The following SLC7A7 variants were observed in gnomAD, a reference collection of about 807,000 sequenced individuals.
The protein encoded by SLC7A7 is solute carrier family 7 member 7, also known as Y+L amino acid transporter 1.
A neutral mutation model predicts 47.9 loss-of-function variants in SLC7A7; 39 were observed. That is an observed-to-expected ratio of 0.81 (90% confidence interval 0.63 to 1.06). SLC7A7 has a LOEUF of 1.06. Ranked by LOEUF, SLC7A7 falls within the 50% of genes least tolerant of loss-of-function variation. SLC7A7 has a pLI of 0.00. For synonymous variants in SLC7A7, 234 were observed against 242.8 expected, an observed-to-expected ratio of 0.96 and a Z score of 0.34; for missense variants, 588 against 632.0, an observed-to-expected ratio of 0.93 and a Z score of 0.75.
chr14:22,785,165 G>T (rs1256023322), intron 2 of SLC7A7, among the ~76,000 whole-genome samples: 1 of 152,102 alleles, frequency 6.6e-6, no homozygotes, highest in African/African-American at 2.4e-5. Context: ...TGTAATCCCA[G>T]CTACTTGGAG....
chr14:22,815,283 T>C (rs868004497), intron 1 of SLC7A7, 37 bp downstream of exon 1: 2 of 440,228 alleles, frequency 4.5e-6, no homozygotes, highest in Non-Finnish European at 9.2e-6. Flanking sequence ...GTTAGCAAGG[T>C]AAGTGGAGAT....
intron 3 of SLC7A7, among the ~76,000 whole-genome samples, 179 bp from the exon 4 acceptor site, chr14:22,779,116 T>C (rs2038669950): frequency 6.6e-6 from 1 of 152,188 alleles, no homozygotes; most frequent in Non-Finnish European, 1.5e-5. Flanking sequence ...TCTATAGAGA[T>C]AGACCAGAAT....
At chr14:22,797,623 A>C (rs1286181237) in intron 2 of SLC7A7, among the ~76,000 whole-genome samples, 1 of 152,070 alleles carries the variant, frequency 6.6e-6, no homozygotes, top group East Asian at 1.9e-4. Flanking sequence ...CACCAGGATC[A>C]CTGTTATCTG....
chr14:22,812,976 G>T lies in SLC7A7; in HGVS notation c.423C>A (p.Asn141Lys), dbSNP rs1318669626. 6.2e-7 allele frequency: 1 copy of T among 1,614,008 alleles called. No individual in the cohort carries two copies. The highest frequency in any genetic ancestry group is 1.7e-5 in the Admixed American group (1 of 59,992). The stretch of plus-strand genomic sequence containing the variant: ...TCGGGAAGAGAGGCTGTACCATGTA[G>T]TTGGCAAAGGTGATGGCAATGATGG... ...SQAIIAITFA[N>K]YMVQPLFPSC... The change falls in exon 2 of 10, where the codon AAC becomes AAA. Residue 141 changes from asparagine (N) to lysine (K), a missense_variant. By Grantham distance (94) the Asn-to-Lys change is moderately conservative (BLOSUM62 0). Transcript: ENST00000674313.
chr14:22,805,940 AG>A (rs1055819768), intron 2 of SLC7A7, among the ~76,000 whole-genome samples: 44 of 151,702 alleles, frequency 2.9e-4, no homozygotes, highest in Admixed American at 2.8e-3. Flanking sequence ...CAGGAGATTG[AG>A]ACCATCCTGG....
At chr14:22,793,268 T>C (rs550362882) in intron 2 of SLC7A7, among the ~76,000 whole-genome samples, 3 of 152,306 alleles carry the variant, frequency 2.0e-5, no homozygotes, top group African/African-American at 7.2e-5. Context: ...TCAGGTGTCA[T>C]GGGTGAGAGC....
At chr14:22,815,580 G>A (rs1179160914), upstream of SLC7A7, 1 of 453,976 alleles carries the variant, frequency 2.2e-6, no homozygotes, top group African/African-American at 2.0e-5. Flanking sequence ...CTGCAAAAGG[G>A]GCAGCTAGGA....
rs187201401 is a variant in SLC7A7, at chr14:22,809,768, C to A, written c.499+3132G>T. Among the ~76,000 whole-genome samples the A allele has an allele frequency of 4.3e-4, 66 of 152,172 alleles. 1 individual carries two copies. Among genetic ancestry groups the A allele is most frequent in the African/African-American group, 1.5e-3 (62 of 41,522 alleles). On this transcript the variant is annotated intron_variant, in intron 2 of 9. Coordinates refer to ENST00000674313, the MANE Select transcript of SLC7A7 (RefSeq NM_003982.4). ...GTATTCTTACAAGGATGTACAGGCA[C>A]GTGAATGTGTACATGGGTGAATGAG...
chr14:22,817,463 CCG>C (rs2039422992), upstream of SLC7A7, among the ~76,000 whole-genome samples: 1 of 152,190 alleles, frequency 6.6e-6, no homozygotes. Flanking sequence ...CCTCAGCCTC[CCG>C]AGTAGCTGGG....
intron 7 of SLC7A7, 30 bp from the exon 8 acceptor site, chr14:22,774,533 T>C (rs761284509): frequency 9.3e-6 from 15 of 1,613,980 alleles, no homozygotes; most frequent in Non-Finnish European, 1.3e-5. Context: ...TCAGCTCTTC[T>C]CAGGGCCTTT....
chr14:22,807,354 A>G (rs2039231285), intron 2 of SLC7A7, among the ~76,000 whole-genome samples: 1 of 152,066 alleles, frequency 6.6e-6, no homozygotes, highest in Admixed American at 6.6e-5. Flanking sequence ...CCATGTGGCC[A>G]CCAGAGTTCT....
chr14:22,806,187 C>CTTTTTTT (rs77783824), intron 2 of SLC7A7, among the ~76,000 whole-genome samples: 3 of 78,280 alleles, frequency 3.8e-5, no homozygotes, highest in Non-Finnish European at 4.7e-5. Flanking sequence ...ACATCAATCT[C>CTTTTTTT]TTTTTTTTTT....
intron 2 of SLC7A7, among the ~76,000 whole-genome samples, chr14:22,795,593 G>GC (rs546891524): frequency 6.6e-6 from 1 of 151,898 alleles, no homozygotes; most frequent in South Asian, 2.1e-4. Flanking sequence ...TCCTGCCTCA[G>GC]CCTCCCGAGT....
At chr14:22,773,855 T>G in intron 9 of SLC7A7, 78 bp downstream of exon 9, 5 of 1,591,636 alleles carry the variant, frequency 3.1e-6, no homozygotes, top group Non-Finnish European at 4.3e-6. Flanking sequence ...CAAAGATGTC[T>G]TTGGAGGCTG....
chr14:22,817,975 G>A (rs576834094), upstream of SLC7A7, among the ~76,000 whole-genome samples: 6 of 152,042 alleles, frequency 3.9e-5, no homozygotes, highest in East Asian at 1.2e-3. Flanking sequence ...GTGATTACAA[G>A]TCCTCTTGGC....
At chr14:22,809,095 G>A (rs1469705126) in intron 2 of SLC7A7, among the ~76,000 whole-genome samples, 1 of 152,192 alleles carries the variant, frequency 6.6e-6, no homozygotes, top group Non-Finnish European at 1.5e-5. Flanking sequence ...ACACATGTGT[G>A]TACAAAACTC....
chr14:22,795,567 C>T (rs1041638013), intron 2 of SLC7A7, among the ~76,000 whole-genome samples: 7 of 151,596 alleles, frequency 4.6e-5, no homozygotes, highest in South Asian at 2.1e-4. Context: ...CTCCGCCTCC[C>T]GGGTTCACAC....
intron 2 of SLC7A7, among the ~76,000 whole-genome samples, chr14:22,784,587 C>T (rs2038780751): frequency 6.6e-6 from 1 of 151,572 alleles, no homozygotes. Flanking sequence ...CACTGCACTC[C>T]AGCCTGGTGA....
intron 4 of SLC7A7, among the ~76,000 whole-genome samples, chr14:22,776,816 ATAAT>A (rs932133709): frequency 6.6e-6 from 1 of 152,138 alleles, no homozygotes; most frequent in African/African-American, 2.4e-5. Flanking sequence ...AAAAATATAA[ATAAT>A]TAGCCAGGCA....
Sources: gnomAD v4.1 joint callset for allele counts (sites outside exome capture counted in the v4.1 genomes callset) on GRCh38, gnomAD v4.1.1 for gene constraint, MANE v1.5 for transcripts, NCBI Gene and HGNC (gene_info 2026-07-23, HGNC 2026-07-21) for gene names.